The following MACROH2A1 variants were observed in gnomAD, a reference collection of about 807,000 sequenced individuals.
MACROH2A1 encodes macroH2A.1 histone.
MACROH2A1 carries 2 observed loss-of-function variants against 31.6 expected under a neutral mutation model. That is an observed-to-expected ratio of 0.06 (90% CI 0.03 to 0.20). The LOEUF (loss-of-function observed/expected upper bound fraction) is 0.20. Ranked by LOEUF, MACROH2A1 falls within the 10% of genes least tolerant of loss-of-function variation. The probability of loss-of-function intolerance (pLI) is 1.00; values close to 1 mark genes in which losing one functional copy is unlikely to be tolerated. For synonymous variants in MACROH2A1, 169 were observed against 189.6 expected (o/e 0.89, Z 0.89); for missense variants, 230 against 474.0 (o/e 0.49, Z 4.78).
At chr5:135,348,917 T>C (rs1439631925) in intron 6 of MACROH2A1, among the ~76,000 whole-genome samples, 4 of 152,204 alleles carry the variant, frequency 2.6e-5, no homozygotes, top group African/African-American at 9.7e-5. Flanking sequence ...CAATGAGTTG[T>C]AGGTGAACAT....
intron 1 of MACROH2A1, among the ~76,000 whole-genome samples, chr5:135,392,008 C>G (rs1767316466): frequency 6.6e-6 from 1 of 152,250 alleles, no homozygotes; most frequent in African/African-American, 2.4e-5. Flanking sequence ...CACCCCAGCC[C>G]TGGCTCACAT....
rs115287983 is a variant in MACROH2A1, at chr5:135,379,408, G to A, written c.173-9266C>T. 3.2e-3 allele frequency among the ~76,000 whole-genome samples: 480 copies of A among 152,330 alleles called. 4 individuals carry two copies. Among genetic ancestry groups the A allele is most frequent in the African/African-American group, 0.011 (444 of 41,576 alleles). On this transcript the variant is annotated intron_variant, in intron 2 of 8. Coordinates refer to ENST00000511689, the MANE Select transcript of MACROH2A1 (RefSeq NM_138610.3). The stretch of plus-strand genomic sequence containing the variant: ...GGAGGGATCCAGGGTCAGAGAGTTA[G>A]GCTGAGTGGAGCAGCCTGGCAAACC...
intron 6 of MACROH2A1, among the ~76,000 whole-genome samples, chr5:135,348,405 G>T (rs1417710443): frequency 6.6e-6 from 1 of 152,244 alleles, no homozygotes; most frequent in Non-Finnish European, 1.5e-5. Flanking sequence ...GTTCAAAACA[G>T]CCTAAGCGAA....
At chr5:135,342,875 G>A (rs1760140683) in intron 8 of MACROH2A1, among the ~76,000 whole-genome samples, 1 of 152,140 alleles carries the variant, frequency 6.6e-6, no homozygotes, top group East Asian at 1.9e-4. Context: ...CCATAACACA[G>A]CTATAGCCTT....
At chr5:135,370,281 A>G (rs1764014355) in intron 2 of MACROH2A1, 139 bp from the exon 3 acceptor site, 2 of 579,314 alleles carry the variant, frequency 3.5e-6, no homozygotes, top group East Asian at 5.9e-5. Flanking sequence ...AGCTGTGGGC[A>G]GAGTCACAGA....
chr5:135,337,989 A>G, intron 8 of MACROH2A1: 2 of 1,203,494 alleles, frequency 1.7e-6, no homozygotes, highest in South Asian at 1.5e-5. Flanking sequence ...TGGACTGCGC[A>G]GGCTGCCAGG....
chr5:135,360,965 C>A, intron 4 of MACROH2A1: 1 of 372,864 alleles, frequency 2.7e-6, no homozygotes, highest in Non-Finnish European at 5.1e-6. Context: ...GTCTGTAATA[C>A]TATTCAAGCT....
chr5:135,381,987 A>C (rs964226996), intron 2 of MACROH2A1, among the ~76,000 whole-genome samples: 1 of 152,262 alleles, frequency 6.6e-6, no homozygotes, highest in Admixed American at 6.5e-5. Context: ...CTTATCACCA[A>C]AAGACCCTCA....
At chr5:135,358,863 C>T in intron 5 of MACROH2A1, 1 of 984,998 alleles carries the variant, frequency 1.0e-6, no homozygotes, top group Non-Finnish European at 1.2e-6. Context: ...CCAGATGTAT[C>T]TGAAAAGGAA....
At chr5:135,363,167 C>T (rs1253335355) in intron 4 of MACROH2A1, among the ~76,000 whole-genome samples, 2 of 150,512 alleles carry the variant, frequency 1.3e-5, no homozygotes, top group South Asian at 2.1e-4. Flanking sequence ...CTGGGCAACA[C>T]AGCAAAACCC....
chr5:135,358,286 A>C, intron 5 of MACROH2A1: 1 of 985,018 alleles, frequency 1.0e-6, no homozygotes, highest in Non-Finnish European at 1.2e-6. Context: ...CAGAAAGGGC[A>C]GTTGGAACCC....
At chr5:135,397,955 A>G (rs1157550753) in intron 1 of MACROH2A1, among the ~76,000 whole-genome samples, 1 of 152,226 alleles carries the variant, frequency 6.6e-6, no homozygotes, top group East Asian at 1.9e-4. Context: ...AAGGTGGAAG[A>G]AAAGAGGGAA....
intron 1 of MACROH2A1, among the ~76,000 whole-genome samples, chr5:135,390,127 C>G (rs1176049351): frequency 6.6e-6 from 1 of 152,256 alleles, no homozygotes; most frequent in East Asian, 1.9e-4. Flanking sequence ...AAATACCCTT[C>G]CACTTCTTTT....
At chr5:135,359,570 G>C in intron 5 of MACROH2A1, 4 of 984,498 alleles carry the variant, frequency 4.1e-6, no homozygotes, top group Non-Finnish European at 4.8e-6. Flanking sequence ...ATTAGTGACA[G>C]AAAGAGGGAA....
chr5:135,365,252 G>A (rs926333777), intron 4 of MACROH2A1, among the ~76,000 whole-genome samples: 4 of 152,140 alleles, frequency 2.6e-5, no homozygotes, highest in African/African-American at 9.7e-5. Flanking sequence ...TTACAAAAAC[G>A]TTAGGGATTC....
chr5:135,387,920 A>C (rs1766642289), intron 2 of MACROH2A1, among the ~76,000 whole-genome samples: 1 of 152,148 alleles, frequency 6.6e-6, no homozygotes, highest in African/African-American at 2.4e-5. Flanking sequence ...AAACTGATGG[A>C]GACATGGCAA....
At chr5:135,375,964 T>C (rs1440048367) in intron 2 of MACROH2A1, among the ~76,000 whole-genome samples, 2 of 152,140 alleles carry the variant, frequency 1.3e-5, no homozygotes, top group African/African-American at 2.4e-5. Flanking sequence ...TCCAATTCCC[T>C]TGGTGGCTCT....
At chr5:135,338,060 T>C (rs1436122785) in intron 8 of MACROH2A1, 1 of 1,078,564 alleles carries the variant, frequency 9.3e-7, no homozygotes. Context: ...AATGTCTTGC[T>C]GCCAGTTAGA....
chr5:135,340,750 C>T (rs1019186328), intron 8 of MACROH2A1, among the ~76,000 whole-genome samples: 1 of 152,244 alleles, frequency 6.6e-6, no homozygotes, highest in African/African-American at 2.4e-5. Context: ...ATGCAACAAA[C>T]AAGCTGTTTT....
Sources: allele counts gnomAD v4.1 joint callset (sites outside exome capture counted in the v4.1 genomes callset), GRCh38; gene constraint gnomAD v4.1.1; transcripts MANE v1.5; gene names NCBI Gene and HGNC (gene_info 2026-07-23, HGNC 2026-07-21).